Variants in NDC1 observed in about 807,000 individuals in gnomAD.
NDC1 encodes nucleoporin NDC1.
A neutral mutation model predicts 89.8 loss-of-function variants in NDC1; 24 were observed. The ratio of observed to expected loss-of-function variants is 0.27; its 90% CI spans 0.19 to 0.38. The LOEUF (loss-of-function observed/expected upper bound fraction) is 0.38, where lower values mean the gene tolerates loss of function less well. Among genes scored for constraint, NDC1 ranks in the 10% least tolerant of loss-of-function variants. The pLI is 1.00. For synonymous variants in NDC1, 296 were observed against 284.8 expected, an observed-to-expected ratio of 1.04 and a Z score of -0.39; for missense variants, 728 against 797.6, an observed-to-expected ratio of 0.91 and a Z score of 1.05.
intron 6 of NDC1, among the ~76,000 whole-genome samples, chr1:53,818,038 T>A (rs778146370): frequency 2.0e-5 from 3 of 152,190 alleles, no homozygotes; most frequent in Non-Finnish European, 4.4e-5. Flanking sequence ...AAAAGGAGGA[T>A]GTCATTTCTA....
At chr1:53,774,649 G>C (rs1488745389) in intron 16 of NDC1, among the ~76,000 whole-genome samples, 1 of 152,150 alleles carries the variant, frequency 6.6e-6, no homozygotes, top group South Asian at 2.1e-4. Context: ...AGCACTTTGG[G>C]AGGCTGAGGC....
In NDC1 at chr1:53,804,048, T is replaced by A. The variant is rs756896712; in HGVS notation, c.985-39A>T. On this transcript the variant is annotated intron_variant, in intron 9 of 17. Transcript: ENST00000371429. Reference sequence around the variant, plus strand: ...AAAACACATATTATTTAATTTTTTTTAACCTCTACATAAAATCTCACTAAT... The same window carrying A: ...AAAACACATATTATTTAATTTTTTTAAACCTCTACATAAAATCTCACTAAT... 2.4e-5 allele frequency: 35 copies of A among 1,453,844 alleles called. 1 individual carries two copies. The South Asian group carries it at 3.8e-4, about 16-fold the overall frequency. 90.1% of individuals were successfully genotyped at this position (1,453,844 alleles called of 1,614,324 possible). A position where few individuals can be genotyped will look rare whatever the true frequency, so the allele number is the denominator to read the frequency against.
At chr1:53,799,189 T>C (rs1205666715) in intron 11 of NDC1, among the ~76,000 whole-genome samples, 4 of 152,216 alleles carry the variant, frequency 2.6e-5, no homozygotes, top group African/African-American at 4.8e-5. Flanking sequence ...TCAAACATCA[T>C]CTTATCCAGT....
intron 3 of NDC1, among the ~76,000 whole-genome samples, chr1:53,832,283 T>C (rs1205754361): frequency 6.6e-6 from 1 of 152,160 alleles, no homozygotes; most frequent in Non-Finnish European, 1.5e-5. Context: ...TAGAATCATA[T>C]AATATTTGTC....
intron 10 of NDC1, 50 bp from the exon 11 acceptor site, chr1:53,800,898 C>G (rs1647889630): frequency 6.7e-7 from 1 of 1,497,724 alleles, no homozygotes; most frequent in Non-Finnish European, 9.0e-7. Flanking sequence ...CTTACATTCC[C>G]CTCTTGAAGT....
chr1:53,778,744 ATCTG>A (rs908943821), intron 16 of NDC1, among the ~76,000 whole-genome samples: 2 of 152,234 alleles, frequency 1.3e-5, no homozygotes, highest in African/African-American at 2.4e-5. Flanking sequence ...TAAACTGGGT[ATCTG>A]TCTGACACTA....
chr1:53,812,785 T>C (rs751190834), intron 6 of NDC1, among the ~76,000 whole-genome samples: 28 of 152,186 alleles, frequency 1.8e-4, no homozygotes, highest in Non-Finnish European at 2.8e-4. Context: ...AAAAAGATCT[T>C]TGCCTAGGCA....
chr1:53,828,732 C>T (rs1372460123), intron 3 of NDC1, among the ~76,000 whole-genome samples: 1 of 152,138 alleles, frequency 6.6e-6, no homozygotes, highest in Non-Finnish European at 1.5e-5. Flanking sequence ...CTGCCTCAGC[C>T]TCCCAAGTAG....
chr1:53,811,247 A>C (rs376922424), intron 6 of NDC1, among the ~76,000 whole-genome samples: 14 of 152,316 alleles, frequency 9.2e-5, no homozygotes, highest in African/African-American at 3.4e-4. Flanking sequence ...ACTTTGTAAC[A>C]ATTTAAATGG....
chr1:53,805,189 CTGTT>C (rs1402506195), intron 9 of NDC1, among the ~76,000 whole-genome samples: 1 of 151,990 alleles, frequency 6.6e-6, no homozygotes, highest in African/African-American at 2.4e-5. Context: ...TTTAGCATTT[CTGTT>C]TGTTTGTTTA....
intron 6 of NDC1, among the ~76,000 whole-genome samples, chr1:53,817,108 C>T (rs1334402587): frequency 6.6e-5 from 10 of 152,186 alleles, no homozygotes; most frequent in Non-Finnish European, 1.5e-4. Flanking sequence ...AAAAGTAGAA[C>T]TACCATTTGA....
At chr1:53,793,557 C>A (rs543870750) in intron 13 of NDC1, among the ~76,000 whole-genome samples, 25 of 152,230 alleles carry the variant, frequency 1.6e-4, no homozygotes, top group Non-Finnish European at 2.8e-4. Context: ...TTAATTAATT[C>A]TAAGTGGTTT....
At chr1:53,811,475 G>A (rs1412039864) in intron 6 of NDC1, among the ~76,000 whole-genome samples, 1 of 152,208 alleles carries the variant, frequency 6.6e-6, no homozygotes, top group African/African-American at 2.4e-5. Context: ...TGGGACCTGG[G>A]TGAGGCCTGT....
At chr1:53,827,344 A>G (rs1033482806) in intron 4 of NDC1, among the ~76,000 whole-genome samples, 14 of 151,404 alleles carry the variant, frequency 9.2e-5, no homozygotes, top group Non-Finnish European at 1.8e-4. Flanking sequence ...AGGCATAATC[A>G]TAGGGCACTG....
chr1:53,786,764 C>T (rs1647319621), intron 16 of NDC1, among the ~76,000 whole-genome samples: 1 of 152,116 alleles, frequency 6.6e-6, no homozygotes, highest in African/African-American at 2.4e-5. Flanking sequence ...GTGGTGAAAT[C>T]GTAGCTCACT....
chr1:53,784,427 C>A (rs1472881177), intron 16 of NDC1, among the ~76,000 whole-genome samples: 5 of 151,860 alleles, frequency 3.3e-5, no homozygotes, highest in African/African-American at 1.2e-4. Flanking sequence ...GAGGCCGAGG[C>A]AGGCGGATTA....
chr1:53,780,310 G>T (rs190320508), intron 16 of NDC1, among the ~76,000 whole-genome samples: 1 of 152,094 alleles, frequency 6.6e-6, no homozygotes, highest in Non-Finnish European at 1.5e-5. Context: ...CTGACCTCAG[G>T]TGATCCACCC....
chr1:53,803,123 T>C (rs1417375414), intron 10 of NDC1, among the ~76,000 whole-genome samples: 1 of 152,150 alleles, frequency 6.6e-6, no homozygotes, highest in African/African-American at 2.4e-5. Flanking sequence ...TAGAGTACAG[T>C]GGCACAATCT....
At position 53,818,972 on chromosome 1, in the gene NDC1, A is replaced by T. The variant is rs767578578; in HGVS notation, c.702T>A (p.Leu234=). The change falls in exon 6 of 18, where the codon CTT becomes CTA. Residue 234 remains leucine, a splice_region_variant and synonymous_variant. Transcript: ENST00000371429. The part of the protein sequence containing the change: ...VRNFCILYYF[L]GYIPKAWIST... ...GTATCAAAAAGCAGAAATTCTTACC[A>T]AGAAAATAATATAAAATGCAGAAAT... is the stretch of plus-strand genomic sequence containing the variant. The T allele has an allele frequency of 2.1e-6, 3 of 1,407,776 alleles. No homozygotes were observed. Among genetic ancestry groups the T allele is most frequent in the Non-Finnish European group, 2.9e-6 (3 of 1,018,288 alleles). The allele number at this position is 1,407,776 out of a possible 1,614,324, so 87.2% of individuals were successfully genotyped here.
Sources: allele counts gnomAD v4.1 joint callset (sites outside exome capture counted in the v4.1 genomes callset), GRCh38; gene constraint gnomAD v4.1.1; transcripts MANE v1.5; gene names NCBI Gene and HGNC (gene_info 2026-07-23, HGNC 2026-07-21).